The following GNA15 variants were observed in gnomAD, a reference collection of about 807,000 sequenced individuals.
The protein encoded by GNA15 is guanine nucleotide-binding protein subunit alpha-15.
Under a neutral mutation model 40.1 loss-of-function variants are expected in GNA15, and 23 were observed. The observed-to-expected ratio is 0.57, with a 90% confidence interval of 0.41 to 0.81. The LOEUF is 0.81. Among genes scored for constraint, GNA15 ranks in the 40% least tolerant of loss-of-function variants. GNA15 has a pLI of 0.00. For synonymous variants in GNA15, 226 were observed against 210.4 expected (o/e 1.07, Z -0.64); for missense variants, 522 against 515.8 (o/e 1.01, Z -0.12).
chr19:3,148,361 T>G (rs1360433434), intron 1 of GNA15, among the ~76,000 whole-genome samples: 1 of 152,220 alleles, frequency 6.6e-6, no homozygotes, highest in Admixed American at 6.5e-5. Context: ...GTGCTGGGAC[T>G]ACAGGCATGA....
At chr19:3,142,975 T>G (rs902711004) in intron 1 of GNA15, 7 of 152,168 alleles carry the variant, frequency 4.6e-5, no homozygotes, top group African/African-American at 1.7e-4. Flanking sequence ...TCATCGGCAG[T>G]TGGGCTCAAT....
intron 1 of GNA15, 127 bp from the exon 2 acceptor site, chr19:3,148,464 T>TC (rs746931647): frequency 4.6e-5 from 39 of 839,060 alleles, no homozygotes; most frequent in Non-Finnish European, 6.3e-5. Context: ...CTGAGTGAGG[T>TC]CCCGGCTGCA....
rs1253552679 is a variant in GNA15, at chr19:3,136,732, G to C, written c.145+137G>C. 1 of 790,460 alleles carries C rather than the reference G, an allele frequency of 1.3e-6. No individual in the cohort carries two copies. Among genetic ancestry groups the C allele is most frequent in the African/African-American group, 1.7e-5 (1 of 57,288 alleles). 49.0% of individuals were successfully genotyped at this position (790,460 alleles called of 1,614,324 possible). ...GCCGTCGCCTCCTCCCAGGGAATGG[G>C]GAGCCTGGAACCCATTTTCCAGATG... On this transcript the variant is annotated intron_variant, in intron 1 of 6. Coordinates refer to ENST00000262958, the MANE Select transcript of GNA15 (RefSeq NM_002068.4). This position sits in a 1 kb window ranked among gnomAD's most constrained non-coding sequence, Gnocchi z 4.9.
chr19:3,146,734 AC>A (rs1310550380), intron 1 of GNA15: 5 of 148,942 alleles, frequency 3.4e-5, no homozygotes, highest in Admixed American at 6.7e-5. Flanking sequence ...CCCCCAGACC[AC>A]CCCCCACAGC....
chr19:3,138,068 A>G (rs967003648), intron 1 of GNA15, among the ~76,000 whole-genome samples: 24 of 152,168 alleles, frequency 1.6e-4, no homozygotes, highest in African/African-American at 5.5e-4. Flanking sequence ...GTTCGAAATC[A>G]GCCTGGTCAA....
intron 6 of GNA15, among the ~76,000 whole-genome samples, chr19:3,159,721 CT>C (rs1479247089): frequency 6.6e-6 from 1 of 152,174 alleles, no homozygotes; most frequent in African/African-American, 2.4e-5. Flanking sequence ...CAATGACCTT[CT>C]TTCATGCGGC....
At position 3,163,193 on chromosome 19, in the gene GNA15, C is replaced by T; in HGVS notation, c.*174C>T. 1 of 603,090 alleles carries T rather than the reference C, an allele frequency of 1.7e-6. No individual in the cohort carries two copies. The allele number at this position is 603,090 out of a possible 1,614,324, so 37.4% of individuals were successfully genotyped here. On this transcript the variant is annotated 3_prime_UTR_variant, in exon 7 of 7. Coordinates refer to ENST00000262958, the MANE Select transcript of GNA15 (RefSeq NM_002068.4). The stretch of plus-strand genomic sequence containing the variant: ...CTTCTCTGCCTCTCACCAGGACAGC[C>T]GCCCCCCAGGGTACTCCTGCCCTTG...
chr19:3,137,285 A>T (rs1914480240), intron 1 of GNA15, among the ~76,000 whole-genome samples: 1 of 152,192 alleles, frequency 6.6e-6, no homozygotes, highest in South Asian at 2.1e-4. Context: ...CTAGGAGAAA[A>T]CAAAACAGGG....
At chr19:3,156,261 A>G (rs77512227) in intron 5 of GNA15, among the ~76,000 whole-genome samples, 5,458 of 151,208 alleles carry the variant, frequency 0.036, 135 homozygotes, top group Non-Finnish European at 0.05. Context: ...AGACACGTGC[A>G]TAATACATGC....
intron 1 of GNA15, chr19:3,143,049 T>C (rs1430323973): frequency 1.3e-5 from 2 of 152,014 alleles, no homozygotes; most frequent in Non-Finnish European, 2.9e-5. Flanking sequence ...AACAGACGTG[T>C]TAATGACACC....
chr19:3,153,420 G>A (rs1401792298), intron 4 of GNA15, among the ~76,000 whole-genome samples: 3 of 151,830 alleles, frequency 2.0e-5, no homozygotes, highest in Non-Finnish European at 4.4e-5. Flanking sequence ...ATGAGTGGGT[G>A]GATGGATGAA....
chr19:3,143,966 C>CA (rs911497490), intron 1 of GNA15, among the ~76,000 whole-genome samples: 43 of 148,342 alleles, frequency 2.9e-4, no homozygotes, highest in African/African-American at 6.0e-4. Context: ...TAAAAAAAAA[C>CA]AAAAAAAATT....
At position 3,155,903 on chromosome 19, in the gene GNA15, T is replaced by G. The variant is rs1295511630; in HGVS notation, c.695T>G (p.Leu232Arg). ...CFENVIALIY[L>R]ASLSEYDQCL... ...GAGAACGTGATCGCCCTCATCTACC[T>G]GGCCTCACTGAGTGAATACGACCAG... Residue 232 changes from leucine (L) to arginine (R), a missense_variant, in exon 5 of 7, where the codon CTG (leucine) becomes CGG (arginine). Physicochemically the swap from Leu to Arg is moderately radical, Grantham distance 102 (BLOSUM62 -2). Transcript: ENST00000262958. The surrounding 1 kb of genome is among the most constrained non-coding windows in gnomAD (Gnocchi z 5.6). The G allele has an allele frequency of 6.2e-7, 1 of 1,613,874 alleles. No individual in the cohort carries two copies. Among genetic ancestry groups the G allele is most frequent in the Non-Finnish European group, 8.5e-7 (1 of 1,179,788 alleles).
intron 1 of GNA15, chr19:3,146,727 C>T (rs1914730206): frequency 1.3e-5 from 2 of 153,046 alleles, no homozygotes; most frequent in Non-Finnish European, 2.9e-5. Flanking sequence ...CCGGGCTCCC[C>T]CAGACCACCC....
chr19:3,153,905 G>A (rs1914940588), intron 4 of GNA15, among the ~76,000 whole-genome samples: 1 of 150,978 alleles, frequency 6.6e-6, no homozygotes, highest in South Asian at 2.1e-4. Context: ...GTGTGGGTGG[G>A]TGGATGGGTA....
At position 3,155,838 on chromosome 19, in the gene GNA15, G is replaced by C; in HGVS notation, c.630G>C (p.Gly210=). 1 of 1,613,650 alleles carries C rather than the reference G, an allele frequency of 6.2e-7. No homozygotes were observed. The highest frequency in any genetic ancestry group is 8.5e-7 in the Non-Finnish European group (1 of 1,179,982). ...TTCCCTGTAGGATCGTGGACGTCGGGGGCCAGAAGTCAGAGCGTAAGAAAT... is the reference window on the plus strand; with the variant it reads ...TTCCCTGTAGGATCGTGGACGTCGGCGGCCAGAAGTCAGAGCGTAAGAAAT... ...QKTNLRIVDV[G]GQKSERKKWI... The change falls in exon 5 of 7, where the codon GGG becomes GGC. Residue 210 remains glycine, a synonymous_variant. Transcript: ENST00000262958. This position sits in a 1 kb window ranked among gnomAD's most constrained non-coding sequence, Gnocchi z 5.6.
chr19:3,141,978 C>T (rs1177594457), intron 1 of GNA15: 1 of 152,774 alleles, frequency 6.5e-6, no homozygotes, highest in African/African-American at 2.4e-5. Flanking sequence ...GGCCGAGCCT[C>T]CTGCCCCTGC....
chr19:3,146,784 G>C (rs573244173), intron 1 of GNA15, among the ~76,000 whole-genome samples: 3 of 152,032 alleles, frequency 2.0e-5, no homozygotes, highest in African/African-American at 7.2e-5. Flanking sequence ...GCGCCTGTGA[G>C]CACCTGAGTC....
At chr19:3,144,134 A>G (rs1406706397) in intron 1 of GNA15, among the ~76,000 whole-genome samples, 7 of 151,394 alleles carry the variant, frequency 4.6e-5, no homozygotes, top group Admixed American at 4.6e-4. Context: ...TCTCAAAAAA[A>G]AAAAAAAAGA....
Sources: gnomAD v4.1 joint callset for allele counts (sites outside exome capture counted in the v4.1 genomes callset) on GRCh38, gnomAD v4.1.1 for gene constraint, Gnocchi (gnomAD v3.1) non-coding constraint, MANE v1.5 for transcripts, NCBI Gene and HGNC (gene_info 2026-07-23, HGNC 2026-07-21) for gene names.